SLC40A1: variants seen among roughly 807,000 people sequenced by gnomAD.
The protein encoded by SLC40A1 is solute carrier family 40 member 1.
In SLC40A1, 16 loss-of-function variants were observed where a neutral mutation model predicts 53.5. The ratio of observed to expected loss-of-function variants is 0.30; its 90% CI spans 0.20 to 0.45. The LOEUF (loss-of-function observed/expected upper bound fraction) is 0.45. Ranked by LOEUF, SLC40A1 falls within the 20% of genes least tolerant of loss-of-function variation. SLC40A1 has a pLI of 1.00. For missense variants in SLC40A1, 545 were observed against 695.4 expected, an observed-to-expected ratio of 0.78 and a Z score of 2.43; for synonymous variants, 247 against 253.2, an observed-to-expected ratio of 0.98 and a Z score of 0.23.
intron 5 of SLC40A1, among the ~76,000 whole-genome samples, chr2:189,570,043 T>TAC (rs35639469): frequency 2.1e-4 from 26 of 126,138 alleles, no homozygotes; most frequent in African/African-American, 7.5e-4. Flanking sequence ...TATATATATA[T>TAC]ACACACACCT....
At chr2:189,565,747 G>T (rs2030920663) in intron 5 of SLC40A1, 148 bp from the exon 6 acceptor site, 1 of 1,216,922 alleles carries the variant, frequency 8.2e-7, no homozygotes, top group Non-Finnish European at 1.2e-6. Flanking sequence ...ACATTTTGTT[G>T]GAAAAATATT....
chr2:189,575,854 G>A (rs1434138973), intron 2 of SLC40A1, among the ~76,000 whole-genome samples: 1 of 152,178 alleles, frequency 6.6e-6, no homozygotes, highest in African/African-American at 2.4e-5. Context: ...TAAAACCTAT[G>A]AGATTTCATA....
chr2:189,575,116 A>G, intron 3 of SLC40A1, 45 bp downstream of exon 3: 1 of 1,603,694 alleles, frequency 6.2e-7, no homozygotes, highest in Non-Finnish European at 8.5e-7. Context: ...TAGCTCAGGC[A>G]TTGGTCCCAT....
Position 189,580,469 on chromosome 2 carries a change from G to A in SLC40A1, c.-9C>T. On this transcript the variant is annotated 5_prime_UTR_variant, in exon 1 of 8. Transcript: ENST00000261024. ...TCTCCCGCCCTGGTCATGACACTAG[G>A]CGACCCCGCTGGCTCTTCTGCGGCT... The A allele has an allele frequency of 6.2e-7, 1 of 1,613,276 alleles. No homozygotes were observed. Among genetic ancestry groups the A allele is most frequent in the Non-Finnish European group, 8.5e-7 (1 of 1,180,002 alleles).
At chr2:189,571,410 G>C (rs2031119182) in intron 5 of SLC40A1, among the ~76,000 whole-genome samples, 1 of 150,164 alleles carries the variant, frequency 6.7e-6, no homozygotes, top group African/African-American at 2.5e-5. Context: ...ACTGTTCTAA[G>C]TATAAACATT....
At chr2:189,571,966 A>G in intron 4 of SLC40A1, 125 bp from the exon 5 acceptor site, 1 of 717,876 alleles carries the variant, frequency 1.4e-6, no homozygotes, top group Non-Finnish European at 2.5e-6. Flanking sequence ...AATTTCATTT[A>G]TAAGAAATCA....
intron 3 of SLC40A1, among the ~76,000 whole-genome samples, chr2:189,574,549 T>C (rs1245298647): frequency 6.6e-6 from 1 of 152,224 alleles, no homozygotes; most frequent in African/African-American, 2.4e-5. Flanking sequence ...CATATTTCCC[T>C]TATATACTGG....
Position 189,562,008 on chromosome 2 carries a change from G to C in SLC40A1, c.1586C>G (p.Ser529Cys). 1 of 1,614,116 alleles carries C rather than the reference G, an allele frequency of 6.2e-7. No individual in the cohort carries two copies. The highest frequency in any genetic ancestry group is 8.5e-7 in the Non-Finnish European group (1 of 1,179,990). ...AFGLLVLISV[S>C]FVAMGHIMYF... ...CATAATGTGGCCCATTGCCACAAAG[G>C]AGACTGAAATCAATACGAGCAAGCC... is the stretch of plus-strand genomic sequence containing the variant. The change falls in exon 8 of 8, where the codon TCC becomes TGC. Residue 529 changes from serine (S) to cysteine (C), a missense_variant. Ser to Cys is a moderately radical substitution (Grantham distance 112). This residue lies in a region of SLC40A1 where 234 missense variants were observed against 299.0 expected (regional missense o/e 0.78). Transcript: ENST00000261024.
intron 6 of SLC40A1, 70 bp downstream of exon 6, chr2:189,565,284 G>C (rs2030897431): frequency 1.9e-6 from 3 of 1,587,482 alleles, no homozygotes; most frequent in South Asian, 2.2e-5. Flanking sequence ...ATTCAAAATA[G>C]TTTTGATCTT....
At position 189,580,430 on chromosome 2, in the gene SLC40A1, T is replaced by G. The variant is rs944629352; in HGVS notation, c.31A>C (p.Arg11=). Residue 11 remains arginine (R), a synonymous_variant, in exon 1 of 8, where the codon AGA becomes CGA. Transcript: ENST00000261024. ...CAACGACACTCACCACAGCATCCTC[T>G]CTGGCGGTTGTGATCTCCCGCCCTG... The part of the protein sequence containing the change: MTRAGDHNRQ[R]GCCGSLADYL... The G allele has an allele frequency of 6.2e-7, 1 of 1,613,772 alleles. No homozygotes were observed. Among genetic ancestry groups the G allele is most frequent in the African/African-American group, 1.3e-5 (1 of 74,906 alleles).
At position 189,576,373 on chromosome 2, in the gene SLC40A1, C is replaced by T. The variant is rs556451022; in HGVS notation, c.112-1053G>A. On this transcript the variant is annotated intron_variant, in intron 2 of 7. Transcript: ENST00000261024. ...TCCATGTATTAGAAGCAAATACTATCCTGGTATGTCAAATAATTTTAAAAA... is the reference window on the plus strand; with the variant it reads ...TCCATGTATTAGAAGCAAATACTATTCTGGTATGTCAAATAATTTTAAAAA... Among the ~76,000 whole-genome samples, 5 of 152,278 alleles carry T rather than the reference C, an allele frequency of 3.3e-5. No individual in the cohort carries two copies. The South Asian group carries it at 1.0e-3, about 32-fold the overall frequency.
chr2:189,571,336 T>C (rs191022796), intron 5 of SLC40A1, among the ~76,000 whole-genome samples: 2 of 152,220 alleles, frequency 1.3e-5, no homozygotes, highest in Admixed American at 6.5e-5. Context: ...AACATCCATA[T>C]GATTGATAAG....
In SLC40A1 at chr2:189,580,554, A is replaced by G; in HGVS notation, c.-94T>C. The G allele has an allele frequency of 6.2e-7, 1 of 1,604,504 alleles. No individual in the cohort carries two copies. The highest frequency in any genetic ancestry group is 8.5e-7 in the Non-Finnish European group (1 of 1,179,100). On this transcript the variant is annotated 5_prime_UTR_variant, in exon 1 of 8. Coordinates refer to ENST00000261024, the MANE Select transcript of SLC40A1 (RefSeq NM_014585.6). The stretch of plus-strand genomic sequence containing the variant: ...TTAACAGGAGTGCAAGGAACTGGAG[A>G]TAGCACCTCTAAAAACACAACAGCC...
Position 189,580,641 on chromosome 2 carries a change from TTTC to T in SLC40A1, c.-184_-182del. On this transcript the variant is annotated 5_prime_UTR_variant, in exon 1 of 8. Coordinates refer to ENST00000261024, the MANE Select transcript of SLC40A1 (RefSeq NM_014585.6). ...AACAAAAGAAAAGGGGCCCAGGGAT[TTTC>T]TTTTTTCCTTCTTTCCAAACTTAGC... is the stretch of plus-strand genomic sequence containing the variant. The T allele has an allele frequency of 6.6e-7, 1 of 1,524,616 alleles. No individual in the cohort carries two copies. The highest frequency in any genetic ancestry group is 8.8e-7 in the Non-Finnish European group (1 of 1,141,566). 94.4% of individuals were successfully genotyped at this position (1,524,616 alleles called of 1,614,324 possible).
In SLC40A1 at chr2:189,563,898, A is replaced by G; in HGVS notation, c.1088T>C (p.Leu363Pro). Reference protein sequence around the residue: ...GIMGTVAFTWLRRKCGLVRTG... With the variant: ...GIMGTVAFTWPRRKCGLVRTG... ...CCGAACCAAACCACATTTTCGACGT[A>G]GCCAAGTAAAAGCTACAGTTCCCAT... The change falls in exon 7 of 8, where the codon CTA becomes CCA. Residue 363 changes from leucine (L) to proline (P), a missense_variant. Around this residue, in one of 4 missense-constraint regions of SLC40A1, gnomAD observed 234 missense variants for 299.0 expected, o/e 0.78. Coordinates refer to ENST00000261024, the MANE Select transcript of SLC40A1 (RefSeq NM_014585.6). 2 of 1,614,222 alleles carry G rather than the reference A, an allele frequency of 1.2e-6. No homozygotes were observed. Among genetic ancestry groups the G allele is most frequent in the Non-Finnish European group, 1.7e-6 (2 of 1,180,034 alleles).
intron 2 of SLC40A1, among the ~76,000 whole-genome samples, chr2:189,579,403 C>T (rs576820417): frequency 9.2e-5 from 14 of 152,076 alleles, no homozygotes; most frequent in Non-Finnish European, 1.3e-4. Context: ...TGGTGCTGCA[C>T]GCTGGAACTA....
In SLC40A1 at chr2:189,571,701, G is replaced by A; in HGVS notation, c.514+14C>T. 6.2e-7 allele frequency: 1 copy of A among 1,612,408 alleles called. No homozygotes were observed. Among genetic ancestry groups the A allele is most frequent in the Non-Finnish European group, 8.5e-7 (1 of 1,178,950 alleles). ...CTAACATGCTCATTTCATTAAAAGA[G>A]AAAGCCAAATTACTTGCTAGTTTGC... On this transcript the variant is annotated intron_variant, in intron 5 of 7. Coordinates refer to ENST00000261024, the MANE Select transcript of SLC40A1 (RefSeq NM_014585.6).
intron 5 of SLC40A1, among the ~76,000 whole-genome samples, chr2:189,567,125 A>T (rs948374147): frequency 3.3e-5 from 5 of 152,198 alleles, no homozygotes; most frequent in African/African-American, 1.2e-4. Context: ...GAGACAAGAG[A>T]GAGATCATGG....
chr2:189,575,177 C>A lies in SLC40A1; in HGVS notation c.255G>T (p.Lys85Asn). 6.2e-7 allele frequency: 1 copy of A among 1,614,082 alleles called. No homozygotes were observed. Among genetic ancestry groups the A allele is most frequent in the African/African-American group, 1.3e-5 (1 of 75,030 alleles). The change falls in exon 3 of 8, where the codon AAG (lysine) becomes AAT (asparagine). Residue 85 changes from lysine (K) to asparagine (N), a missense_variant. Physicochemically the swap from Lys to Asn is moderately conservative, Grantham distance 94. This residue lies in a region of SLC40A1 where 197 missense variants were observed against 278.8 expected (regional missense o/e 0.71). Coordinates refer to ENST00000261024, the MANE Select transcript of SLC40A1 (RefSeq NM_014585.6). ...AACACTCACCTTTAAGTCTAGCATT[C>A]TTGTCCACCCAGTCACCGATGATGG... is the stretch of plus-strand genomic sequence containing the variant. ...LGAIIGDWVD[K>N]NARLKVAQTS... is the part of the protein sequence containing the mutation.
Sources: gnomAD v4.1 joint callset for allele counts (sites outside exome capture counted in the v4.1 genomes callset) on GRCh38, gnomAD v4.1.1 for gene constraint, gnomAD v4.1.1 regional missense constraint, MANE v1.5 for transcripts, NCBI Gene and HGNC (gene_info 2026-07-23, HGNC 2026-07-21) for gene names.